The following CDH18 variants were observed in gnomAD, a reference collection of about 807,000 sequenced individuals.
The protein encoded by CDH18 is cadherin-18.
Under a neutral mutation model 67.9 loss-of-function variants are expected in CDH18, and 31 were observed. The ratio of observed to expected loss-of-function variants is 0.46; its 90% CI spans 0.34 to 0.62. CDH18 has a LOEUF of 0.62. Ranked by LOEUF, CDH18 falls within the 20% of genes least tolerant of loss-of-function variation. The pLI is 0.01. For missense variants in CDH18, 890 were observed against 975.5 expected (o/e 0.91, Z 1.17); for synonymous variants, 362 against 347.2 (o/e 1.04, Z -0.48).
At chr5:20,495,978 A>G (rs13189704) in intron 1 of CDH18, among the ~76,000 whole-genome samples, 9,515 of 152,214 alleles carry the variant, frequency 0.063, 424 homozygotes, top group Middle Eastern at 0.12. Context: ...AGACAAAATC[A>G]GTTATAAAGA....
chr5:19,672,833 T>C (rs543437868), intron 5 of CDH18, among the ~76,000 whole-genome samples: 1 of 152,168 alleles, frequency 6.6e-6, no homozygotes, highest in South Asian at 2.1e-4. Context: ...ATAATAATAT[T>C]TGATGATAGT....
chr5:20,253,966 C>T (rs578130841), intron 2 of CDH18, among the ~76,000 whole-genome samples: 1 of 152,072 alleles, frequency 6.6e-6, no homozygotes, highest in Admixed American at 6.5e-5. Context: ...AAGTTCATCA[C>T]AAAAGAAAAA....
chr5:20,324,234 C>A (rs1477916863), intron 1 of CDH18, among the ~76,000 whole-genome samples: 2 of 152,146 alleles, frequency 1.3e-5, no homozygotes, highest in East Asian at 1.9e-4. Context: ...GAAAGCTGAG[C>A]AATTCATTTG....
chr5:19,793,591 G>A (rs982028968), intron 3 of CDH18, among the ~76,000 whole-genome samples: 20 of 151,998 alleles, frequency 1.3e-4, no homozygotes, highest in African/African-American at 2.7e-4. Context: ...CTTTTACACC[G>A]TAAAATTAAT....
At chr5:20,271,181 A>G (rs1745409278) in intron 1 of CDH18, among the ~76,000 whole-genome samples, 1 of 152,088 alleles carries the variant, frequency 6.6e-6, no homozygotes, top group African/African-American at 2.4e-5. Flanking sequence ...AGAAAATAAA[A>G]AGGAGGAAAC....
intron 1 of CDH18, chr5:20,305,853 C>A: frequency 4.9e-6 from 1 of 202,972 alleles, no homozygotes; most frequent in Non-Finnish European, 9.8e-6. Flanking sequence ...GGGTTGAACA[C>A]ACAAAGGATG....
intron 1 of CDH18, among the ~76,000 whole-genome samples, chr5:20,397,333 C>T (rs1346888049): frequency 3.3e-5 from 5 of 152,048 alleles, no homozygotes; most frequent in South Asian, 2.1e-4. Flanking sequence ...GGTTTTGCCA[C>T]GCTGGCCGGG....
chr5:19,586,489 TA>T (rs1337067027), intron 7 of CDH18, among the ~76,000 whole-genome samples: 1 of 152,188 alleles, frequency 6.6e-6, no homozygotes. Flanking sequence ...TTAGTTTGCC[TA>T]AATAATGGCC....
chr5:19,938,252 A>G (rs1006538486), intron 2 of CDH18, among the ~76,000 whole-genome samples: 7 of 151,326 alleles, frequency 4.6e-5, no homozygotes, highest in African/African-American at 1.2e-4. Context: ...GAGGGACTCA[A>G]TGATGCTGGG....
intron 11 of CDH18, among the ~76,000 whole-genome samples, chr5:19,496,933 C>A (rs1403988544): frequency 5.3e-5 from 8 of 151,876 alleles, no homozygotes; most frequent in Admixed American, 5.2e-4. Context: ...AGCCCAGGCC[C>A]TTACAGACAA....
At chr5:20,262,686 G>A (rs1287207055) in intron 1 of CDH18, among the ~76,000 whole-genome samples, 2 of 151,812 alleles carry the variant, frequency 1.3e-5, no homozygotes, top group Non-Finnish European at 2.9e-5. Context: ...AATGCTGGTG[G>A]GTAAAAATAC....
chr5:19,611,346 G>A (rs1561464353), intron 6 of CDH18, among the ~76,000 whole-genome samples: 1 of 152,194 alleles, frequency 6.6e-6, no homozygotes, highest in African/African-American at 2.4e-5. Context: ...GGAAAAAAGA[G>A]TGAGTAATTC....
intron 2 of CDH18, among the ~76,000 whole-genome samples, chr5:20,016,073 C>A (rs1192587204): frequency 6.6e-6 from 1 of 152,086 alleles, no homozygotes; most frequent in Admixed American, 6.6e-5. Context: ...AAATACCCAT[C>A]AATAGCAGAC....
At chr5:19,976,485 A>G (rs949985841) in intron 2 of CDH18, among the ~76,000 whole-genome samples, 2 of 152,156 alleles carry the variant, frequency 1.3e-5, no homozygotes, top group Non-Finnish European at 2.9e-5. Context: ...CCAATTGTAG[A>G]TTGTCAACTG....
At chr5:19,547,177 T>C (rs1736477063) in intron 8 of CDH18, among the ~76,000 whole-genome samples, 1 of 152,110 alleles carries the variant, frequency 6.6e-6, no homozygotes, top group Non-Finnish European at 1.5e-5. Flanking sequence ...AGGATGAGGG[T>C]TGAACTGGTT....
intron 2 of CDH18, among the ~76,000 whole-genome samples, chr5:19,846,775 T>C (rs1783012842): frequency 6.6e-6 from 1 of 152,094 alleles, no homozygotes; most frequent in Admixed American, 6.6e-5. Context: ...TCACTTCAAA[T>C]AAAAGACTCC....
chr5:20,122,278 A>G (rs1748422819), intron 2 of CDH18, among the ~76,000 whole-genome samples: 1 of 152,188 alleles, frequency 6.6e-6, no homozygotes, highest in Admixed American at 6.5e-5. Flanking sequence ...AAGCCTTTGA[A>G]AATTTAACAC....
intron 2 of CDH18, among the ~76,000 whole-genome samples, chr5:20,175,209 A>G (rs1329373231): frequency 6.6e-6 from 1 of 152,046 alleles, no homozygotes; most frequent in East Asian, 1.9e-4. Context: ...GAAAAGAAAA[A>G]GAGTAACAGA....
chr5:19,583,715 C>T (rs1254818083), intron 7 of CDH18, among the ~76,000 whole-genome samples: 1 of 152,026 alleles, frequency 6.6e-6, no homozygotes, highest in Non-Finnish European at 1.5e-5. Context: ...TAGCTTAGAG[C>T]ACAATTTTCA....
Sources: gnomAD v4.1 joint callset for allele counts (sites outside exome capture counted in the v4.1 genomes callset) on GRCh38, gnomAD v4.1.1 for gene constraint, MANE v1.5 for transcripts, NCBI Gene and HGNC (gene_info 2026-07-23, HGNC 2026-07-21) for gene names.